PPP1R1C: variants seen among roughly 807,000 people sequenced by gnomAD.
The protein encoded by PPP1R1C is protein phosphatase 1 regulatory subunit 1C.
PPP1R1C carries 15 observed loss-of-function variants against 17.4 expected under a neutral mutation model. The observed-to-expected ratio is 0.86, with a 90% confidence interval of 0.58 to 1.33. The LOEUF is 1.33. PPP1R1C is among the 40% of genes most tolerant of loss of function. The pLI, the probability that PPP1R1C is intolerant of heterozygous loss-of-function variation, is 0.00. For missense variants in PPP1R1C, 143 were observed against 130.0 expected, an observed-to-expected ratio of 1.10 and a Z score of -0.48; for synonymous variants, 35 against 43.1, an observed-to-expected ratio of 0.81 and a Z score of 0.73.
downstream of PPP1R1C, among the ~76,000 whole-genome samples, chr2:182,120,933 AAC>A (rs1689719368): frequency 6.6e-6 from 1 of 152,208 alleles, no homozygotes; most frequent in African/African-American, 2.4e-5. Flanking sequence ...CCACTCTCAA[AAC>A]ACAGAGAGAA....
In PPP1R1C at chr2:182,036,529, C is replaced by A. The variant is rs544909225; in HGVS notation, c.143-24913C>A. On this transcript the variant is annotated intron_variant, in intron 2 of 4. Coordinates refer to ENST00000682840, the MANE Select transcript of PPP1R1C (RefSeq NM_001080545.3). The stretch of plus-strand genomic sequence containing the variant: ...ACTTAATTCTGCTTTTCTGCATAAA[C>A]ATAATTTTTAGTATTTAGATAGTTA... Among the ~76,000 whole-genome samples the A allele has an allele frequency of 3.9e-5, 6 of 152,120 alleles. No individual in the cohort carries two copies. In the East Asian group the frequency reaches 1.2e-3, roughly 29 times the overall value.
intron 4 of PPP1R1C, among the ~76,000 whole-genome samples, chr2:182,074,943 C>G (rs771118790): frequency 2.0e-4 from 30 of 152,104 alleles, no homozygotes; most frequent in Admixed American, 6.5e-5. Flanking sequence ...ATTCTAAACA[C>G]CCTAGGTCAG....
At chr2:181,984,146 A>G (rs570115062), upstream of PPP1R1C, among the ~76,000 whole-genome samples, 1 of 152,306 alleles carries the variant, frequency 6.6e-6, no homozygotes, top group South Asian at 2.1e-4. Context: ...ATCTGGCTGA[A>G]AGAAAAATAA....
rs556271084 is a variant in PPP1R1C at position 182,110,441 on chromosome 2, C to G, written c.242-6766C>G. On this transcript the variant is annotated intron_variant, in intron 4 of 4. Coordinates refer to ENST00000682840, the MANE Select transcript of PPP1R1C (RefSeq NM_001080545.3). ...AGCCTTCTCTCCTTGTATGCTAGCT[C>G]TGTTGCTATCAGAGGTTTTCCTTGG... 1.1e-4 allele frequency among the ~76,000 whole-genome samples: 17 copies of G among 152,228 alleles called. 1 individual carries two copies. In the East Asian group the frequency reaches 3.3e-3, roughly 29 times the overall value.
At chr2:182,069,194 C>CAT (rs1369656001) in intron 4 of PPP1R1C, among the ~76,000 whole-genome samples, 1 of 151,884 alleles carries the variant, frequency 6.6e-6, no homozygotes, top group African/African-American at 2.4e-5. Flanking sequence ...TAGGGTGGGG[C>CAT]ATATTTATGC....
intron 1 of PPP1R1C, among the ~76,000 whole-genome samples, chr2:181,954,860 C>G (rs1387199586): frequency 6.6e-6 from 1 of 151,884 alleles, no homozygotes; most frequent in South Asian, 2.1e-4. Flanking sequence ...TTTTTTTTCC[C>G]TAGGCATGTC....
intron 4 of PPP1R1C, among the ~76,000 whole-genome samples, chr2:182,085,472 A>G (rs1688602662): frequency 6.6e-6 from 1 of 152,164 alleles, no homozygotes; most frequent in African/African-American, 2.4e-5. Context: ...TCAAAAGTAT[A>G]AGTAGCTTTA....
chr2:181,978,899 T>G (rs931222168), intron 2 of PPP1R1C, among the ~76,000 whole-genome samples: 40 of 152,142 alleles, frequency 2.6e-4, no homozygotes, highest in African/African-American at 8.4e-4. Context: ...TGAGCCTAGC[T>G]TTTGAGTCAT....
intron 2 of PPP1R1C, among the ~76,000 whole-genome samples, chr2:182,005,333 G>A (rs1318386978): frequency 6.6e-6 from 1 of 152,206 alleles, no homozygotes; most frequent in Non-Finnish European, 1.5e-5. Context: ...AAAATCTGGA[G>A]CATGGGATAT....
intron 2 of PPP1R1C, among the ~76,000 whole-genome samples, chr2:182,037,348 G>C (rs971929811): frequency 6.6e-6 from 1 of 152,182 alleles, no homozygotes; most frequent in Non-Finnish European, 1.5e-5. Context: ...AAGCACTTTG[G>C]GAGGCCAAGG....
chr2:182,123,004 T>C (rs1689771461), intron 5 of PPP1R1C, among the ~76,000 whole-genome samples: 2 of 152,182 alleles, frequency 1.3e-5, no homozygotes, highest in African/African-American at 4.8e-5. Flanking sequence ...ATCCCTCCTC[T>C]AGCCCCCCGC....
chr2:182,059,926 AAAGCAAAATATT>A (rs1300223739), intron 2 of PPP1R1C, among the ~76,000 whole-genome samples: 1 of 152,116 alleles, frequency 6.6e-6, no homozygotes, highest in Non-Finnish European at 1.5e-5. Context: ...CTCCTAATCA[AAAGCAAAATATT>A]AAGGAACCCC....
chr2:182,062,333 CTG>C (rs770322118), intron 3 of PPP1R1C, among the ~76,000 whole-genome samples: 15 of 152,170 alleles, frequency 9.9e-5, no homozygotes, highest in Admixed American at 1.3e-4. Flanking sequence ...TAAGTTTACA[CTG>C]TGTTACTAAA....
chr2:182,043,493 T>A (rs1441147783), intron 2 of PPP1R1C, among the ~76,000 whole-genome samples: 2 of 151,328 alleles, frequency 1.3e-5, no homozygotes, highest in Non-Finnish European at 1.5e-5. Flanking sequence ...CTCTATAAAG[T>A]ATCTATTTTT....
intron 4 of PPP1R1C, among the ~76,000 whole-genome samples, chr2:182,087,456 T>C (rs1243270822): frequency 6.6e-6 from 1 of 152,236 alleles, no homozygotes; most frequent in East Asian, 1.9e-4. Context: ...TTTCATCTTT[T>C]TAACAAATTT....
chr2:182,090,086 A>G (rs1688738437), intron 4 of PPP1R1C, among the ~76,000 whole-genome samples: 1 of 152,114 alleles, frequency 6.6e-6, no homozygotes, highest in Non-Finnish European at 1.5e-5. Flanking sequence ...AAATAGATTC[A>G]TTTTCCTTTA....
chr2:181,968,609 A>G (rs1341111470), intron 1 of PPP1R1C, among the ~76,000 whole-genome samples: 1 of 152,112 alleles, frequency 6.6e-6, no homozygotes, highest in Non-Finnish European at 1.5e-5. Context: ...TGTTTCCTGT[A>G]GGGAACAGAT....
intron 2 of PPP1R1C, among the ~76,000 whole-genome samples, chr2:182,000,984 A>G (rs1406736195): frequency 6.6e-6 from 1 of 152,230 alleles, no homozygotes; most frequent in African/African-American, 2.4e-5. Flanking sequence ...GAAGGAAAAT[A>G]GAGGTCATTA....
In PPP1R1C at chr2:181,976,493, C is replaced by T. The variant is rs76242965; in HGVS notation, n.157+1229C>T. 1.2e-3 allele frequency among the ~76,000 whole-genome samples: 176 copies of T among 152,140 alleles called. 5 individuals are homozygous for T. In the East Asian group the frequency reaches 0.03, roughly 26 times the overall value. On this transcript the variant is annotated intron_variant and non_coding_transcript_variant, in intron 2 of 5. Coordinates refer to the PPP1R1C transcript ENST00000464264. The surrounding 1 kb of genome is among the most constrained non-coding windows in gnomAD (Gnocchi z 4.8). ...TATTTATTCATTTATTTATTTATAT[C>T]GTTGAGTAAGAGGATCATACCTATA...
Sources: gnomAD v4.1 joint callset for allele counts (sites outside exome capture counted in the v4.1 genomes callset) on GRCh38, gnomAD v4.1.1 for gene constraint, Gnocchi (gnomAD v3.1) non-coding constraint, MANE v1.5 for transcripts, NCBI Gene and HGNC (gene_info 2026-07-23, HGNC 2026-07-21) for gene names.